DIAPH2: variants seen among roughly 807,000 people sequenced by gnomAD.
DIAPH2 encodes the protein diaphanous related formin 2.
In DIAPH2, 35 loss-of-function variants were observed where a neutral mutation model predicts 92.7. The ratio of observed to expected loss-of-function variants is 0.38; its 90% confidence interval spans 0.29 to 0.50. The LOEUF (loss-of-function observed/expected upper bound fraction) is 0.50, where lower values mean the gene tolerates loss of function less well. Among genes scored for constraint, DIAPH2 ranks in the 20% least tolerant of loss-of-function variants. DIAPH2 has a pLI of 0.94. For synonymous variants in DIAPH2, 301 were observed against 280.4 expected, an observed-to-expected ratio of 1.07 and a Z score of -0.73; for missense variants, 701 against 819.5, an observed-to-expected ratio of 0.86 and a Z score of 1.77.
intron 14 of DIAPH2, among the ~76,000 whole-genome samples, chrX:96,948,078 C>T (rs1236004699): frequency 8.9e-6 from 1 of 112,155 alleles, no homozygotes; most frequent in South Asian, 3.7e-4. Flanking sequence ...TTAGGGCATC[C>T]TACTGTCAGA....
chrX:97,570,127 A>AAGATAGAG (rs2071359652), intron 26 of DIAPH2, among the ~76,000 whole-genome samples: 1 of 27,324 alleles, frequency 3.7e-5, no homozygotes. Flanking sequence ...TATATATTAG[A>AAGATAGAG]AGATAGATAG....
intron 19 of DIAPH2, among the ~76,000 whole-genome samples, chrX:97,087,636 T>C (rs1373355355): frequency 1.8e-5 from 2 of 111,749 alleles, no homozygotes; most frequent in Non-Finnish European, 3.8e-5. Flanking sequence ...AAATTGGTTA[T>C]TATACAAATT....
intron 1 of DIAPH2, among the ~76,000 whole-genome samples, chrX:96,707,532 C>G (rs929022419): frequency 4.6e-5 from 5 of 109,028 alleles, no homozygotes; most frequent in African/African-American, 1.7e-4. Flanking sequence ...CCTGTAATCC[C>G]AGCTACTCTG....
chrX:97,181,434 G>C (rs2067538650), intron 22 of DIAPH2, among the ~76,000 whole-genome samples: 1 of 110,881 alleles, frequency 9.0e-6, no homozygotes, highest in African/African-American at 3.3e-5. Context: ...TCTTTGAGAC[G>C]GAGTTTTGCT....
At chrX:97,391,601 A>T (rs938613651) in intron 25 of DIAPH2, among the ~76,000 whole-genome samples, 9 of 111,428 alleles carry the variant, frequency 8.1e-5, no homozygotes, top group African/African-American at 1.3e-4. Context: ...ATAACTTTTT[A>T]AAAAAGTGTA....
intron 26 of DIAPH2, among the ~76,000 whole-genome samples, chrX:97,557,383 A>G (rs2071264982): frequency 9.0e-6 from 1 of 111,615 alleles, no homozygotes; most frequent in South Asian, 3.8e-4. Context: ...TACCAAAAAT[A>G]CAAAAATTAG....
At chrX:96,881,350 C>G (rs2065211753) in intron 4 of DIAPH2, among the ~76,000 whole-genome samples, 2 of 110,882 alleles carry the variant, frequency 1.8e-5, no homozygotes. Context: ...AGTTCATATT[C>G]TATTCAGGTC....
At chrX:97,503,991 TGTATA>T (rs1199721055) in intron 26 of DIAPH2, among the ~76,000 whole-genome samples, 1 of 111,867 alleles carries the variant, frequency 8.9e-6, no homozygotes, top group Non-Finnish European at 1.9e-5. Context: ...TTAGCACATT[TGTATA>T]GTTGCAACGT....
intron 24 of DIAPH2, among the ~76,000 whole-genome samples, chrX:97,350,122 C>A (rs1424932081): frequency 9.1e-6 from 1 of 109,421 alleles, no homozygotes; most frequent in East Asian, 2.9e-4. Flanking sequence ...CCAGCCTGGC[C>A]AACATGGTGA....
chrX:96,972,381 T>A (rs2065933084), intron 17 of DIAPH2, among the ~76,000 whole-genome samples: 1 of 112,287 alleles, frequency 8.9e-6, no homozygotes, highest in African/African-American at 3.2e-5. Flanking sequence ...TAGCATAAAA[T>A]TATACTTCCT....
At chrX:97,012,157 A>G (rs1183750973) in intron 17 of DIAPH2, among the ~76,000 whole-genome samples, 3 of 111,239 alleles carry the variant, frequency 2.7e-5, no homozygotes, top group African/African-American at 9.8e-5. Context: ...GTATTTCTCA[A>G]TTTGTCTCAA....
intron 25 of DIAPH2, among the ~76,000 whole-genome samples, chrX:97,426,733 T>C (rs1191093062): frequency 1.8e-5 from 2 of 112,259 alleles, no homozygotes; most frequent in Admixed American, 1.9e-4. Context: ...ACCATCTGCA[T>C]GTAGCTATTG....
chrX:97,004,214 G>A (rs186940710), intron 17 of DIAPH2, among the ~76,000 whole-genome samples: 1 of 111,394 alleles, frequency 9.0e-6, no homozygotes, highest in Admixed American at 9.6e-5. Context: ...TTTGAAGTCA[G>A]GTAATATGAT....
In DIAPH2 at chrX:96,911,538, C is replaced by T. The variant is rs753016088; in HGVS notation, c.588-790C>T. Among the ~76,000 whole-genome samples the T allele has an allele frequency of 3.6e-5, 4 of 111,048 alleles. No individual in the cohort carries two copies. In the South Asian group the frequency reaches 1.6e-3, roughly 43 times the overall value. On this transcript the variant is annotated intron_variant, in intron 5 of 26. Transcript: ENST00000324765. ...CACAGTTCCTGGAACATTCTAAACA[C>T]ACTAGCTAATGCCTCATGACCCAAT...
chrX:97,315,302 C>G (rs2068831173), intron 23 of DIAPH2, among the ~76,000 whole-genome samples: 1 of 111,508 alleles, frequency 9.0e-6, no homozygotes, highest in African/African-American at 3.3e-5. Flanking sequence ...CAAGTGAGAC[C>G]CTGGCTCTTG....
intron 1 of DIAPH2, among the ~76,000 whole-genome samples, chrX:96,707,209 C>T (rs1035809571): frequency 9.1e-6 from 1 of 109,631 alleles, no homozygotes; most frequent in Non-Finnish European, 1.9e-5. Context: ...CGCTCAGTTG[C>T]CCAGGCTGGA....
chrX:96,777,881 T>TAA (rs1168587019), intron 4 of DIAPH2, among the ~76,000 whole-genome samples: 1 of 111,197 alleles, frequency 9.0e-6, no homozygotes, highest in Admixed American at 9.6e-5. Flanking sequence ...TGTCCTTTTT[T>TAA]AAATTTTATT....
intron 9 of DIAPH2, among the ~76,000 whole-genome samples, chrX:96,925,951 C>T (rs1391805359): frequency 8.9e-6 from 1 of 111,964 alleles, no homozygotes; most frequent in Admixed American, 9.6e-5. Flanking sequence ...TTCTCTCATA[C>T]TTTGACTTAA....
At chrX:97,331,396 A>T (rs2069000450) in intron 23 of DIAPH2, among the ~76,000 whole-genome samples, 1 of 112,065 alleles carries the variant, frequency 8.9e-6, no homozygotes, top group African/African-American at 3.2e-5. Flanking sequence ...ACCCAGTAAA[A>T]TTAGTAAATT....
Sources: gnomAD v4.1 joint callset for allele counts (sites outside exome capture counted in the v4.1 genomes callset) on GRCh38, gnomAD v4.1.1 for gene constraint, MANE v1.5 for transcripts, NCBI Gene and HGNC (gene_info 2026-07-23, HGNC 2026-07-21) for gene names.